Variants in DISC1 observed in about 807,000 individuals in gnomAD.
The protein encoded by DISC1 is disrupted in schizophrenia 1 protein.
DISC1 carries 57 observed loss-of-function variants against 84.5 expected under a neutral mutation model. The ratio of observed to expected loss-of-function variants is 0.67; its 90% CI spans 0.55 to 0.84. DISC1 has a LOEUF of 0.84. DISC1 is among the 40% of genes least tolerant of loss of function. DISC1 has a pLI of 0.00. For synonymous variants in DISC1, 411 were observed against 415.2 expected, an observed-to-expected ratio of 0.99 and a Z score of 0.12; for missense variants, 1,000 against 1,057.8, an observed-to-expected ratio of 0.95 and a Z score of 0.76.
intron 9 of DISC1, among the ~76,000 whole-genome samples, chr1:231,888,472 C>T (rs575185781): frequency 1.7e-4 from 26 of 150,270 alleles, no homozygotes; most frequent in African/African-American, 6.1e-4. Flanking sequence ...AGGCCAGGTG[C>T]GGTGGCTCAC....
chr1:232,004,883 CCCTT>C (rs1247170763), intron 10 of DISC1, among the ~76,000 whole-genome samples: 67 of 104,576 alleles, frequency 6.4e-4, no homozygotes, highest in South Asian at 1.4e-3. Context: ...CTCCCTCCCT[CCCTT>C]CCTTCCTTCC....
chr1:232,015,121 T>C (rs950103286), intron 11 of DISC1, among the ~76,000 whole-genome samples: 2 of 152,132 alleles, frequency 1.3e-5, no homozygotes, highest in African/African-American at 4.8e-5. Flanking sequence ...TTTCTTCTGT[T>C]CAGTGAGCTG....
chr1:231,709,130 G>A (rs1334375017), intron 3 of DISC1, among the ~76,000 whole-genome samples: 1 of 152,126 alleles, frequency 6.6e-6, no homozygotes, highest in Non-Finnish European at 1.5e-5. Flanking sequence ...CTGTTTACAG[G>A]AGAATTTACA....
chr1:231,695,796 C>T (rs1037659341), intron 2 of DISC1, among the ~76,000 whole-genome samples: 13 of 152,096 alleles, frequency 8.5e-5, no homozygotes, highest in Admixed American at 2.0e-4. Flanking sequence ...GAGTAATCTG[C>T]AGAAGTTCAT....
At chr1:231,843,532 A>G (rs1279499623) in intron 9 of DISC1, among the ~76,000 whole-genome samples, 1 of 152,224 alleles carries the variant, frequency 6.6e-6, no homozygotes, top group Non-Finnish European at 1.5e-5. Flanking sequence ...CACGAGGGCC[A>G]TCCCCCTGCA....
At chr1:231,973,620 G>A (rs1245075956) in intron 10 of DISC1, among the ~76,000 whole-genome samples, 1 of 152,200 alleles carries the variant, frequency 6.6e-6, no homozygotes, top group African/African-American at 2.4e-5. Flanking sequence ...CAGTTGTTTT[G>A]TCTTGTCCGT....
chr1:231,863,470 A>G (rs1006441070), intron 9 of DISC1, among the ~76,000 whole-genome samples: 2 of 151,902 alleles, frequency 1.3e-5, no homozygotes, highest in East Asian at 3.9e-4. Context: ...GCCTCAAGCA[A>G]TTTCCTTGCC....
At chr1:231,944,580 T>C (rs1462303310) in intron 9 of DISC1, among the ~76,000 whole-genome samples, 1 of 152,060 alleles carries the variant, frequency 6.6e-6, no homozygotes, top group Non-Finnish European at 1.5e-5. Flanking sequence ...CTAATAAGCA[T>C]CCAGGGTGTT....
rs75471137 is a variant in DISC1 at position 232,009,717 on chromosome 1, C to G, written c.2307+668C>G. 1,704 of 593,524 alleles carry G rather than the reference C, an allele frequency of 2.9e-3. 36 individuals are homozygous for G. In the East Asian group the frequency reaches 0.074, roughly 26 times the overall value. 36.8% of individuals were successfully genotyped at this position (593,524 alleles called of 1,614,324 possible). A position where few individuals can be genotyped will look rare whatever the true frequency, so the allele number is the denominator to read the frequency against. ...CCTTCCACTCCTCACTTTCCTCCTC[C>G]CACCCTAACAAGAGTCTTTTCCATA... On this transcript the variant is annotated intron_variant, in intron 11 of 12. Transcript: ENST00000439617. This position sits in a 1 kb window ranked among gnomAD's most constrained non-coding sequence, Gnocchi z 4.6.
At chr1:231,928,549 T>C (rs2090478198) in intron 9 of DISC1, among the ~76,000 whole-genome samples, 1 of 152,182 alleles carries the variant, frequency 6.6e-6, no homozygotes, top group Non-Finnish European at 1.5e-5. Flanking sequence ...TCGTGTCTCT[T>C]ATCTCCTTCA....
intron 3 of DISC1, among the ~76,000 whole-genome samples, chr1:231,740,451 C>T (rs537823500): frequency 5.2e-4 from 79 of 152,278 alleles, no homozygotes; most frequent in African/African-American, 1.6e-3. Flanking sequence ...TCATGCCTCC[C>T]CCACATGACT....
chr1:231,925,798 T>TGAGGCATCTCAAGCC (rs1193935467), intron 9 of DISC1: 4 of 152,176 alleles, frequency 2.6e-5, no homozygotes, highest in African/African-American at 9.7e-5. Context: ...GAGACAGTAG[T>TGAGGCATCTCAAGCC]GAGGCATCTC....
At chr1:231,928,754 G>A (rs778067313) in intron 9 of DISC1, among the ~76,000 whole-genome samples, 11 of 152,084 alleles carry the variant, frequency 7.2e-5, no homozygotes, top group African/African-American at 2.7e-4. Flanking sequence ...CTACAATGTT[G>A]TGACTTTGTT....
chr1:231,840,808 G>A (rs1181131252), intron 9 of DISC1, among the ~76,000 whole-genome samples: 1 of 152,082 alleles, frequency 6.6e-6, no homozygotes, highest in African/African-American at 2.4e-5. Context: ...CAGCCCAAGG[G>A]AATTCTTTAG....
At chr1:231,798,591 C>A (rs781014328) in intron 7 of DISC1, among the ~76,000 whole-genome samples, 2 of 152,096 alleles carry the variant, frequency 1.3e-5, no homozygotes, top group African/African-American at 4.8e-5. Context: ...TGGGATGTGC[C>A]AGTCATCTGG....
At chr1:231,662,854 A>C (rs1001833776) in intron 1 of DISC1, among the ~76,000 whole-genome samples, 1 of 152,238 alleles carries the variant, frequency 6.6e-6, no homozygotes, top group Non-Finnish European at 1.5e-5. Flanking sequence ...TGTAAAAAAA[A>C]GGTCAACAAA....
At chr1:231,643,469 C>T (rs1302561490) in intron 1 of DISC1, among the ~76,000 whole-genome samples, 2 of 152,232 alleles carry the variant, frequency 1.3e-5, no homozygotes, top group Admixed American at 1.3e-4. Flanking sequence ...TCCTTGTTCT[C>T]CTAGCAGTCA....
At chr1:231,875,575 G>A (rs1305896490) in intron 9 of DISC1, among the ~76,000 whole-genome samples, 1 of 152,120 alleles carries the variant, frequency 6.6e-6, no homozygotes, top group Non-Finnish European at 1.5e-5. Flanking sequence ...ATCTGTAAAT[G>A]AGAAAAAGAG....
At chr1:231,690,744 T>C (rs73115145) in intron 1 of DISC1, among the ~76,000 whole-genome samples, 1,750 of 152,328 alleles carry the variant, frequency 0.011, 41 homozygotes, top group African/African-American at 0.04. Flanking sequence ...GATTTCATTC[T>C]TGCCTTATAT....
Sources: gnomAD v4.1 joint callset for allele counts (sites outside exome capture counted in the v4.1 genomes callset) on GRCh38, gnomAD v4.1.1 for gene constraint, Gnocchi (gnomAD v3.1) non-coding constraint, MANE v1.5 for transcripts, NCBI Gene and HGNC (gene_info 2026-07-23, HGNC 2026-07-21) for gene names.